Variants in AAK1 observed in about 807,000 individuals in gnomAD.
AAK1 encodes the protein AP2 associated kinase 1.
A neutral mutation model predicts 116.0 loss-of-function variants in AAK1; 37 were observed. The ratio of observed to expected loss-of-function variants is 0.32; its 90% confidence interval spans 0.25 to 0.42. The LOEUF is 0.42. Among genes scored for constraint, AAK1 ranks in the 10% least tolerant of loss-of-function variants. The pLI, the probability that AAK1 is intolerant of heterozygous loss-of-function variation, is 1.00. For missense variants in AAK1, 919 were observed against 1,170.6 expected (o/e 0.79, Z 3.14); for synonymous variants, 458 against 439.9 (o/e 1.04, Z -0.51).
intron 17 of AAK1, among the ~76,000 whole-genome samples, chr2:69,491,114 A>T (rs963479947): frequency 1.5e-4 from 22 of 146,474 alleles, no homozygotes; most frequent in East Asian, 8.0e-4. Context: ...TTAAAAAAAA[A>T]TTTTTTTTTT....
chr2:69,523,987 T>C (rs777424518), intron 10 of AAK1, among the ~76,000 whole-genome samples: 7 of 152,240 alleles, frequency 4.6e-5, no homozygotes, highest in Non-Finnish European at 1.0e-4. Context: ...CCCTCCCTGT[T>C]TTCCCTCACA....
At chr2:69,623,061 C>A (rs909032865) in intron 2 of AAK1, among the ~76,000 whole-genome samples, 3 of 152,084 alleles carry the variant, frequency 2.0e-5, no homozygotes, top group African/African-American at 4.8e-5. Flanking sequence ...TTTGTTCTTT[C>A]GCTCTTTGCA....
Position 69,591,838 on chromosome 2 carries a change from G to A in AAK1, c.164-34860C>T, listed in dbSNP as rs568596332. Among the ~76,000 whole-genome samples, 240 of 152,062 alleles carry A rather than the reference G, an allele frequency of 1.6e-3. 1 individual carries two copies. The highest frequency in any genetic ancestry group is 3.1e-3 in the Non-Finnish European group (211 of 68,004). On this transcript the variant is annotated intron_variant, in intron 2 of 21. Coordinates refer to ENST00000409085, the MANE Select transcript of AAK1 (RefSeq NM_014911.5). ...CCCGCCTCAGCCTCCCAAAGTGCTG[G>A]GATTACAGGCGTGAGCCACTGCGCC...
intron 2 of AAK1, among the ~76,000 whole-genome samples, chr2:69,630,904 C>T (rs1350994133): frequency 6.6e-6 from 1 of 152,168 alleles, no homozygotes; most frequent in Non-Finnish European, 1.5e-5. Context: ...CCAGTGCTGC[C>T]CCCTTCCCCT....
intron 2 of AAK1, among the ~76,000 whole-genome samples, chr2:69,573,494 G>A (rs977331721): frequency 6.6e-6 from 1 of 152,170 alleles, no homozygotes. Context: ...TGAGAAGAGG[G>A]AAAGGAATGG....
rs554485161 is a variant in AAK1 at position 69,604,699 on chromosome 2, G to A, written c.163+38179C>T. The stretch of plus-strand genomic sequence containing the variant: ...TTAAAAACATGCTGAGGATGACTGG[G>A]GAAGTGGCAAGCGGTCCAGTGGGGC... On this transcript the variant is annotated intron_variant, in intron 2 of 21. Coordinates refer to ENST00000409085, the MANE Select transcript of AAK1 (RefSeq NM_014911.5). Among the ~76,000 whole-genome samples, 21 of 152,194 alleles carry A rather than the reference G, an allele frequency of 1.4e-4. 1 individual carries two copies. The South Asian group carries it at 4.4e-3, about 32-fold the overall frequency.
chr2:69,490,881 A>G (rs1318095018), intron 17 of AAK1, among the ~76,000 whole-genome samples: 1 of 152,020 alleles, frequency 6.6e-6, no homozygotes, highest in Non-Finnish European at 1.5e-5. Context: ...GTTTTCAGAG[A>G]AAATTCCTCA....
chr2:69,496,362 T>A (rs1401666861), intron 16 of AAK1, among the ~76,000 whole-genome samples: 1 of 149,392 alleles, frequency 6.7e-6, no homozygotes, highest in African/African-American at 2.5e-5. Context: ...AACCTCCGCC[T>A]CCCGGTTCAA....
At chr2:69,603,940 A>G (rs1673688053) in intron 2 of AAK1, among the ~76,000 whole-genome samples, 3 of 152,240 alleles carry the variant, frequency 2.0e-5, no homozygotes, top group Admixed American at 1.3e-4. Context: ...TGGCTGAAAA[A>G]TGAGGTATTT....
chr2:69,496,201 G>A (rs1558909593), intron 16 of AAK1, 121 bp from the exon 17 acceptor site: 2 of 629,062 alleles, frequency 3.2e-6, no homozygotes. Flanking sequence ...TACAGAGTAA[G>A]TCTAAGCCTA....
chr2:69,614,340 C>A (rs551459048), intron 2 of AAK1, among the ~76,000 whole-genome samples: 1 of 152,170 alleles, frequency 6.6e-6, no homozygotes, highest in South Asian at 2.1e-4. Flanking sequence ...TGGAGTCACA[C>A]AGGGACAGGT....
chr2:69,544,326 A>T, intron 4 of AAK1, 110 bp downstream of exon 4: 1 of 801,730 alleles, frequency 1.2e-6, no homozygotes, highest in Admixed American at 2.2e-5. Flanking sequence ...CATCTGTCAA[A>T]CCAGAACATA....
At position 69,531,802 on chromosome 2, in the gene AAK1, C is replaced by A. The variant is rs189676016; in HGVS notation, c.656+239G>T. The A allele has an allele frequency of 6.4e-4, 793 of 1,242,118 alleles. 8 individuals carry two copies. The African/African-American group carries it at 0.012, about 18-fold the overall frequency. 76.9% of individuals were successfully genotyped at this position (1,242,118 alleles called of 1,614,324 possible). On this transcript the variant is annotated intron_variant, in intron 6 of 21. Transcript: ENST00000409085. ...AATCAAAACATCTATGTACAATGACCACAGGACCACTGATAAAGTGCTCTA... is the reference window on the plus strand; with the variant it reads ...AATCAAAACATCTATGTACAATGACAACAGGACCACTGATAAAGTGCTCTA...
At chr2:69,572,620 T>TAAAAAAA (rs768419313) in intron 2 of AAK1, among the ~76,000 whole-genome samples, 1 of 106,878 alleles carries the variant, frequency 9.4e-6, no homozygotes, top group African/African-American at 3.5e-5. Flanking sequence ...ACTCTGTCTT[T>TAAAAAAA]AAAAAAAAAA....
At chr2:69,496,911 C>A (rs1675767776) in intron 16 of AAK1, among the ~76,000 whole-genome samples, 1 of 152,022 alleles carries the variant, frequency 6.6e-6, no homozygotes, top group African/African-American at 2.4e-5. Flanking sequence ...GTTAGACAAG[C>A]CCTAATCTCT....
intron 5 of AAK1, among the ~76,000 whole-genome samples, chr2:69,542,194 C>G (rs1670750312): frequency 6.6e-6 from 1 of 151,918 alleles, no homozygotes; most frequent in Non-Finnish European, 1.5e-5. Flanking sequence ...CTTTAAAAAC[C>G]AAGCATCATT....
At chr2:69,549,644 C>T (rs191387176) in intron 3 of AAK1, among the ~76,000 whole-genome samples, 5 of 152,298 alleles carry the variant, frequency 3.3e-5, no homozygotes, top group Admixed American at 2.6e-4. Context: ...CTAAACATTA[C>T]ATTCTTTTTG....
At chr2:69,478,164 A>T (rs2104887543) in intron 20 of AAK1, among the ~76,000 whole-genome samples, 1 of 152,374 alleles carries the variant, frequency 6.6e-6, no homozygotes, top group East Asian at 1.9e-4. Context: ...CTGACTTTTG[A>T]GGAAAGATGC....
chr2:69,537,041 C>T lies in AAK1; in HGVS notation c.535-4879G>A, dbSNP rs142904046. 5.3e-5 allele frequency among the ~76,000 whole-genome samples: 8 copies of T among 152,240 alleles called. No individual in the cohort carries two copies. The Middle Eastern group carries it at 0.02, about 388-fold the overall frequency. ...CATGGTATAATACAACAGAATAAAA[C>T]GGGAGTGAAAAACCGTGGTCTCCGT... is the stretch of plus-strand genomic sequence containing the variant. On this transcript the variant is annotated intron_variant, in intron 5 of 21. Coordinates refer to ENST00000409085, the MANE Select transcript of AAK1 (RefSeq NM_014911.5).
Sources: allele counts gnomAD v4.1 joint callset (sites outside exome capture counted in the v4.1 genomes callset), GRCh38; gene constraint gnomAD v4.1.1; transcripts MANE v1.5; gene names NCBI Gene and HGNC (gene_info 2026-07-23, HGNC 2026-07-21).